Variants in GRIA4 observed in about 807,000 individuals in gnomAD.
The protein encoded by GRIA4 is glutamate receptor 4.
GRIA4 carries 34 observed loss-of-function variants against 104.0 expected under a neutral mutation model. The observed-to-expected ratio is 0.33, with a 90% CI of 0.25 to 0.44. GRIA4 has a LOEUF of 0.44. Among genes scored for constraint, GRIA4 ranks in the 20% least tolerant of loss-of-function variants. The probability of loss-of-function intolerance (pLI) is 1.00; values close to 1 mark genes in which losing one functional copy is unlikely to be tolerated. For synonymous variants in GRIA4, 386 were observed against 381.9 expected (o/e 1.01, Z -0.13); for missense variants, 750 against 1,096.5 (o/e 0.68, Z 4.46).
At chr11:105,784,790 G>A (rs909462163) in intron 4 of GRIA4, among the ~76,000 whole-genome samples, 1 of 152,022 alleles carries the variant, frequency 6.6e-6, no homozygotes, top group Non-Finnish European at 1.5e-5. Flanking sequence ...TTGTAAGAAA[G>A]GGACCTGTTA....
At chr11:105,739,793 T>G (rs1939193860) in intron 3 of GRIA4, among the ~76,000 whole-genome samples, 1 of 152,160 alleles carries the variant, frequency 6.6e-6, no homozygotes, top group South Asian at 2.1e-4. Flanking sequence ...AAACTGTCAG[T>G]ATTTTAAGAG....
chr11:105,684,299 A>C (rs1952802167), intron 3 of GRIA4, among the ~76,000 whole-genome samples: 1 of 152,096 alleles, frequency 6.6e-6, no homozygotes, highest in South Asian at 2.1e-4. Flanking sequence ...AACGACATTA[A>C]ACAGATGGAA....
chr11:105,944,623 A>C (rs1045986331), intron 14 of GRIA4, among the ~76,000 whole-genome samples: 2 of 152,308 alleles, frequency 1.3e-5, no homozygotes, highest in South Asian at 4.1e-4. Flanking sequence ...ACTACTATGT[A>C]GCACACCCAT....
intron 3 of GRIA4, among the ~76,000 whole-genome samples, chr11:105,746,138 GTA>G (rs1234224682): frequency 6.6e-6 from 1 of 151,762 alleles, no homozygotes; most frequent in Non-Finnish European, 1.5e-5. Context: ...GTGTGTGTGT[GTA>G]TTGTAGGTAG....
intron 4 of GRIA4, among the ~76,000 whole-genome samples, chr11:105,777,838 C>T (rs1402501742): frequency 6.6e-6 from 1 of 152,054 alleles, no homozygotes; most frequent in Non-Finnish European, 1.5e-5. Context: ...TAACAGAAAC[C>T]CACTACAGCT....
chr11:105,819,957 G>T (rs1398716992), intron 4 of GRIA4, among the ~76,000 whole-genome samples: 1 of 151,994 alleles, frequency 6.6e-6, no homozygotes, highest in Non-Finnish European at 1.5e-5. Flanking sequence ...ATGTGAAGAT[G>T]GAGATACACA....
intron 15 of GRIA4, among the ~76,000 whole-genome samples, chr11:105,973,843 GA>G (rs1336491790): frequency 6.6e-6 from 1 of 152,116 alleles, no homozygotes; most frequent in African/African-American, 2.4e-5. Context: ...GCTCAACTAG[GA>G]AATGCGGAGT....
In GRIA4 at chr11:105,852,807, G is replaced by A. The variant is rs1944863472; in HGVS notation, c.488-9217G>A. 1.6e-5 allele frequency among the ~76,000 whole-genome samples: 2 copies of A among 125,094 alleles called. 1 individual carries two copies. Among genetic ancestry groups the A allele is most frequent in the African/African-American group, 5.6e-5 (2 of 35,980 alleles). 82.1% of individuals were successfully genotyped at this position (125,094 alleles called of 152,430 possible). On this transcript the variant is annotated intron_variant, in intron 4 of 16. Transcript: ENST00000282499. ...ACAGAAATTGTCTCCATAATTGTAT[G>A]CAAATCCTTTCACCAGAATCATCAC...
At chr11:105,839,232 T>C (rs1463818352) in intron 4 of GRIA4, among the ~76,000 whole-genome samples, 2 of 152,184 alleles carry the variant, frequency 1.3e-5, no homozygotes, top group South Asian at 2.1e-4. Context: ...CCACTTTGTA[T>C]GGAAGATGTT....
intron 3 of GRIA4, among the ~76,000 whole-genome samples, chr11:105,633,804 T>C (rs922575557): frequency 6.6e-6 from 1 of 152,048 alleles, no homozygotes; most frequent in Non-Finnish European, 1.5e-5. Flanking sequence ...AGTTTACTAT[T>C]TACAAAACTT....
intron 5 of GRIA4, among the ~76,000 whole-genome samples, chr11:105,886,769 A>C (rs1485156711): frequency 6.6e-6 from 1 of 152,132 alleles, no homozygotes; most frequent in African/African-American, 2.4e-5. Context: ...TTGTTGAAGG[A>C]ATTTTCAGTT....
chr11:105,733,994 C>T (rs1938769187), intron 3 of GRIA4, among the ~76,000 whole-genome samples: 2 of 146,240 alleles, frequency 1.4e-5, no homozygotes, highest in South Asian at 2.1e-4. Flanking sequence ...TACATGAATA[C>T]ATATATATAT....
At chr11:105,859,619 C>T (rs989992406) in intron 4 of GRIA4, among the ~76,000 whole-genome samples, 9 of 152,026 alleles carry the variant, frequency 5.9e-5, no homozygotes, top group African/African-American at 2.2e-4. Context: ...AGCCTGACAG[C>T]CAGAAATGCA....
chr11:105,619,669 A>G (rs1022427223), intron 3 of GRIA4, among the ~76,000 whole-genome samples: 12 of 151,928 alleles, frequency 7.9e-5, no homozygotes, highest in African/African-American at 2.7e-4. Flanking sequence ...GAATTCTCCT[A>G]ATTTTATGCA....
At chr11:105,652,003 T>G (rs534887294) in intron 3 of GRIA4, among the ~76,000 whole-genome samples, 1 of 152,206 alleles carries the variant, frequency 6.6e-6, no homozygotes, top group East Asian at 1.9e-4. Flanking sequence ...TTCAGAAAAG[T>G]GAAGTTAACT....
intron 4 of GRIA4, among the ~76,000 whole-genome samples, chr11:105,831,372 T>C (rs1281145366): frequency 6.6e-6 from 1 of 151,996 alleles, no homozygotes; most frequent in Non-Finnish European, 1.5e-5. Context: ...TGGTCAAGAC[T>C]AGTCACAAGG....
chr11:105,721,562 T>C (rs1210978906), intron 3 of GRIA4, among the ~76,000 whole-genome samples: 1 of 152,198 alleles, frequency 6.6e-6, no homozygotes, highest in African/African-American at 2.4e-5. Flanking sequence ...ATTTTACATA[T>C]ATTAATAGTG....
At position 105,627,298 on chromosome 11, in the gene GRIA4, G is replaced by A. The variant is rs559504206; in HGVS notation, c.247+14864G>A. On this transcript the variant is annotated intron_variant, in intron 3 of 16. Coordinates refer to ENST00000282499, the MANE Select transcript of GRIA4 (RefSeq NM_000829.4). ...AGAATAGAGTAGGGGTAGGGGGGAT[G>A]GCAGGTAGGTGGTGGAGTGGAGGGG... Among the ~76,000 whole-genome samples, 5 of 152,238 alleles carry A rather than the reference G, an allele frequency of 3.3e-5. No homozygotes were observed. In the South Asian group the frequency reaches 1.0e-3, roughly 32 times the overall value.
At chr11:105,911,806 A>T in intron 10 of GRIA4, 1 of 283,578 alleles carries the variant, frequency 3.5e-6, no homozygotes, top group Non-Finnish European at 6.6e-6. Context: ...ATATATATAT[A>T]TATGTTTCTT....
Sources: allele counts gnomAD v4.1 joint callset (sites outside exome capture counted in the v4.1 genomes callset), GRCh38; gene constraint gnomAD v4.1.1; transcripts MANE v1.5; gene names NCBI Gene and HGNC (gene_info 2026-07-23, HGNC 2026-07-21).